Variants in KRT72 observed in about 807,000 individuals in gnomAD.
The protein encoded by KRT72 is keratin 72, also known as keratin, type II cytoskeletal 72.
A neutral mutation model predicts 44.7 loss-of-function variants in KRT72; 44 were observed. The observed-to-expected ratio is 0.98, with a 90% CI of 0.77 to 1.27. The LOEUF (loss-of-function observed/expected upper bound fraction) is 1.27. Among genes scored for constraint, KRT72 ranks in the 50% most tolerant of loss-of-function variants. The pLI is 0.00. For synonymous variants in KRT72, 302 were observed against 280.4 expected, an observed-to-expected ratio of 1.08 and a Z score of -0.77; for missense variants, 736 against 667.1, an observed-to-expected ratio of 1.10 and a Z score of -1.14.
intron 2 of KRT72, among the ~76,000 whole-genome samples, chr12:52,596,896 AGACT>A (rs1940245601): frequency 6.6e-6 from 1 of 152,182 alleles, no homozygotes; most frequent in South Asian, 2.1e-4. Flanking sequence ...GATCAATAAA[AGACT>A]TAGAGGCATA....
chr12:52,602,649 C>T (rs1565625311), upstream of KRT72, among the ~76,000 whole-genome samples: 1 of 152,236 alleles, frequency 6.6e-6, no homozygotes, highest in Non-Finnish European at 1.5e-5. Context: ...TGGATTCACC[C>T]TTCCCTCCTC....
intron 8 of KRT72, 38 bp from the exon 9 acceptor site, chr12:52,586,210 T>C (rs766327202): frequency 1.9e-6 from 3 of 1,579,300 alleles, no homozygotes; most frequent in Middle Eastern, 1.9e-4. Flanking sequence ...CCCCGTCAGC[T>C]CTAGCCCCAC....
chr12:52,587,046 C>T, intron 7 of KRT72, 66 bp from the exon 8 acceptor site: 1 of 1,480,510 alleles, frequency 6.8e-7, no homozygotes, highest in Non-Finnish European at 9.4e-7. Context: ...CTGGAAGTCA[C>T]CTCTGTGAAT....
intron 4 of KRT72, among the ~76,000 whole-genome samples, chr12:52,592,003 C>T (rs1940053686): frequency 6.6e-6 from 1 of 152,188 alleles, no homozygotes; most frequent in Non-Finnish European, 1.5e-5. Context: ...ATTCCTCATG[C>T]TTTAGCACAG....
At chr12:52,591,423 G>T (rs760186282) in intron 5 of KRT72, 41 bp downstream of exon 5, 58 of 1,598,538 alleles carry the variant, frequency 3.6e-5, no homozygotes, top group Non-Finnish European at 4.7e-5. Context: ...GAGGGTGCTA[G>T]CTGTGGCCAG....
upstream of KRT72, chr12:52,601,700 C>T (rs1381035080): frequency 1.9e-6 from 1 of 527,996 alleles, no homozygotes; most frequent in Non-Finnish European, 3.3e-6. Context: ...TGACCCAGAA[C>T]CCAGCATTTA....
intron 6 of KRT72, among the ~76,000 whole-genome samples, chr12:52,589,849 CTG>C (rs777763595): frequency 9.2e-5 from 14 of 152,332 alleles, no homozygotes; most frequent in South Asian, 2.1e-4. Flanking sequence ...TAGTTAAACA[CTG>C]TAGTAGAATA....
intron 6 of KRT72, among the ~76,000 whole-genome samples, chr12:52,589,428 G>A (rs1386152402): frequency 6.6e-6 from 1 of 152,132 alleles, no homozygotes; most frequent in Non-Finnish European, 1.5e-5. Context: ...TTCATGGAGT[G>A]GCCACACACA....
chr12:52,591,321 C>T (rs1042442261), intron 5 of KRT72, 143 bp downstream of exon 5: 2 of 880,986 alleles, frequency 2.3e-6, no homozygotes, highest in African/African-American at 1.7e-5. Flanking sequence ...TCCGCAAGGC[C>T]CAACTTCAAG....
Position 52,601,350 on chromosome 12 carries a change from G to T in KRT72, c.103C>A (p.Arg35=). The T allele has an allele frequency of 6.5e-7, 1 of 1,544,280 alleles. No individual in the cohort carries two copies. The highest frequency in any genetic ancestry group is 8.7e-7 in the Non-Finnish European group (1 of 1,146,778). Residue 35 remains arginine (R), a synonymous_variant, in exon 1 of 9, where the codon CGG becomes AGG. Transcript: ENST00000293745. ...GAGGCCGAGCCCTTGACCCGGGCCC[G>T]GAATGAGGCGGAGCTGCTGCCGATC... The part of the protein sequence containing the change: ...GGIGSSSASF[R]ARVKGSASFG...
At chr12:52,586,821 T>A in intron 8 of KRT72, 125 bp downstream of exon 8, 1 of 910,610 alleles carries the variant, frequency 1.1e-6, no homozygotes, top group South Asian at 1.4e-5. Flanking sequence ...AGCTCCTTCC[T>A]TTTTCCCTTA....
intron 6 of KRT72, among the ~76,000 whole-genome samples, chr12:52,589,988 C>T (rs3847847): frequency 0.35 from 52,550 of 151,866 alleles, 9,735 homozygotes; most frequent in East Asian, 0.59. Context: ...AGGAGTAGTG[C>T]GTGTGTGTGT....
rs966612154 is a variant in KRT72 at position 52,587,104 on chromosome 12, T to C, written c.1311-124A>G. 28 of 861,636 alleles carry C rather than the reference T, an allele frequency of 3.2e-5. No individual in the cohort carries two copies. The African/African-American group carries it at 4.2e-4, about 13-fold the overall frequency. The allele number at this position is 861,636 out of a possible 1,614,324, so 53.4% of individuals were successfully genotyped here. On this transcript the variant is annotated intron_variant, in intron 7 of 8. Coordinates refer to ENST00000293745, the MANE Select transcript of KRT72 (RefSeq NM_080747.3). The stretch of plus-strand genomic sequence containing the variant: ...CCTTCCCAAACCCATCCTAGCCTCC[T>C]TTCTTCCCACACATCCCAGTGCGAC...
At chr12:52,590,990 C>G (rs370424538) in intron 5 of KRT72, 29 bp from the exon 6 acceptor site, 1 of 1,564,188 alleles carries the variant, frequency 6.4e-7, no homozygotes, top group African/African-American at 1.4e-5. Flanking sequence ...AGAAGAGGAA[C>G]ACAAGGATCC....
In KRT72 at chr12:52,590,965, A is replaced by G; in HGVS notation, c.964-4T>C. ...CTGTGACCTGCAGCTCCTGGATCTG[A>G]GGTTGGGTGACAAGAGAAGAGGAAC... On this transcript the variant is annotated splice_region_variant and splice_polypyrimidine_tract_variant and intron_variant, in intron 5 of 8. Coordinates refer to ENST00000293745, the MANE Select transcript of KRT72 (RefSeq NM_080747.3). The G allele has an allele frequency of 6.3e-7, 1 of 1,584,828 alleles. No homozygotes were observed. The highest frequency in any genetic ancestry group is 8.6e-7 in the Non-Finnish European group (1 of 1,160,020).
chr12:52,586,830 T>C (rs1441186227), intron 8 of KRT72, 116 bp downstream of exon 8: 2 of 992,034 alleles, frequency 2.0e-6, no homozygotes, highest in Non-Finnish European at 3.2e-6. Context: ...CTTTTTCCCT[T>C]AAGTCTCCCC....
At chr12:52,594,919 A>G (rs935737989) in intron 2 of KRT72, among the ~76,000 whole-genome samples, 1 of 152,206 alleles carries the variant, frequency 6.6e-6, no homozygotes, top group Non-Finnish European at 1.5e-5. Context: ...TGTCTTATTC[A>G]AAAGATAACT....
chr12:52,601,481 G>C, upstream of KRT72: 1 of 1,530,308 alleles, frequency 6.5e-7, no homozygotes, highest in South Asian at 1.2e-5. Context: ...CTGGCCGCGC[G>C]GGAGGCAGAA....
chr12:52,599,903 A>G (rs1169813719), intron 1 of KRT72, among the ~76,000 whole-genome samples: 1 of 102,010 alleles, frequency 9.8e-6, no homozygotes, highest in Non-Finnish European at 1.9e-5. Context: ...CAGAACAACA[A>G]CAGAATCATG....
Sources: gnomAD v4.1 joint callset for allele counts (sites outside exome capture counted in the v4.1 genomes callset) on GRCh38, gnomAD v4.1.1 for gene constraint, MANE v1.5 for transcripts, NCBI Gene and HGNC (gene_info 2026-07-23, HGNC 2026-07-21) for gene names.